The following CARS1 variants were observed in gnomAD, a reference collection of about 807,000 sequenced individuals.
CARS1 encodes cysteinyl-tRNA synthetase 1.
CARS1 carries 48 observed loss-of-function variants against 106.2 expected under a neutral mutation model. The ratio of observed to expected loss-of-function variants is 0.45; its 90% CI spans 0.36 to 0.57. The LOEUF (loss-of-function observed/expected upper bound fraction) is 0.57, where lower values mean the gene tolerates loss of function less well. CARS1 is among the 20% of genes least tolerant of loss of function. CARS1 has a pLI of 0.00. For missense variants in CARS1, 968 were observed against 1,057.2 expected, an observed-to-expected ratio of 0.92 and a Z score of 1.17; for synonymous variants, 409 against 403.4, an observed-to-expected ratio of 1.01 and a Z score of -0.17.
intron 1 of CARS1, among the ~76,000 whole-genome samples, chr11:3,049,979 T>C (rs1298994958): frequency 6.6e-6 from 1 of 152,106 alleles, no homozygotes; most frequent in Non-Finnish European, 1.5e-5. Context: ...CGCTGTGGTG[T>C]CAGCAAAGAT....
intron 10 of CARS1, among the ~76,000 whole-genome samples, chr11:3,024,196 C>T (rs1160778320): frequency 6.6e-6 from 1 of 152,106 alleles, no homozygotes; most frequent in Non-Finnish European, 1.5e-5. Flanking sequence ...CGGCACCTCA[C>T]TTATTTTCCA....
chr11:3,045,070 C>T lies in CARS1; in HGVS notation c.274+2683G>A, dbSNP rs920926916. ...GAAGGGTATAGCTGACACTCCTTCC[C>T]GGGGGGTAGGGAGAGGCCGGCGGGC... On this transcript the variant is annotated intron_variant, in intron 2 of 22. Transcript: ENST00000380525. This position sits in a 1 kb window ranked among gnomAD's most constrained non-coding sequence, Gnocchi z 5.6. Among the ~76,000 whole-genome samples the T allele has an allele frequency of 9.2e-5, 14 of 152,274 alleles. No individual in the cohort carries two copies. The highest frequency in any genetic ancestry group is 6.2e-4 in the South Asian group (3 of 4,832).
At chr11:3,042,103 G>A (rs763049670) in intron 3 of CARS1, 62 bp downstream of exon 3, 175 of 1,243,394 alleles carry the variant, frequency 1.4e-4, no homozygotes, top group Non-Finnish European at 2.0e-4. Flanking sequence ...AAGGCACATG[G>A]GCTGTCCTGC....
chr11:3,049,527 C>T (rs940619422), intron 1 of CARS1, among the ~76,000 whole-genome samples: 2 of 152,216 alleles, frequency 1.3e-5, no homozygotes, highest in African/African-American at 2.4e-5. Flanking sequence ...GGTCCCTGAG[C>T]CCATGAGCAC....
chr11:3,005,599 C>A (rs1461030342), intron 19 of CARS1, among the ~76,000 whole-genome samples, 166 bp from the exon 20 acceptor site: 2 of 151,468 alleles, frequency 1.3e-5, no homozygotes, highest in African/African-American at 4.9e-5. Context: ...AGCAGTGAAG[C>A]ACAGGAGAAC....
rs866136348 is a variant in CARS1, at chr11:3,054,903, C to T, written c.25+2440G>A. On this transcript the variant is annotated intron_variant, in intron 1 of 22. Transcript: ENST00000380525. ...TGATGAGCAGCCGACCAAGTGGTATCCCAAGTCTGTGCGGAAAGGCCCTGA... is the reference window on the plus strand; with the variant it reads ...TGATGAGCAGCCGACCAAGTGGTATTCCAAGTCTGTGCGGAAAGGCCCTGA... 2.1e-5 allele frequency: 15 copies of T among 702,586 alleles called. 1 individual carries two copies. The Middle Eastern group carries it at 1.8e-3, about 86-fold the overall frequency. The allele number at this position is 702,586 out of a possible 1,614,324, so 43.5% of individuals were successfully genotyped here.
chr11:3,054,959 A>C (rs752126792), intron 1 of CARS1: 1 of 702,632 alleles, frequency 1.4e-6, no homozygotes, highest in Non-Finnish European at 2.6e-6. Flanking sequence ...GAAACCTCAG[A>C]AATGAAACTC....
rs902621446 is a variant in CARS1, at chr11:3,048,167, G to T, written c.26-166C>A. On this transcript the variant is annotated intron_variant, in intron 1 of 22. Transcript: ENST00000380525. The surrounding 1 kb of genome is among the most constrained non-coding windows in gnomAD (Gnocchi z 5.1). ...GGCAAAGGCACAGGGGCAGCGCTTCGACTGGGGGCGAGGGAGTGACTGCCT... is the reference window on the plus strand; with the variant it reads ...GGCAAAGGCACAGGGGCAGCGCTTCTACTGGGGGCGAGGGAGTGACTGCCT... Among the ~76,000 whole-genome samples the T allele has an allele frequency of 6.6e-6, 1 of 152,196 alleles. No homozygotes were observed. The highest frequency in any genetic ancestry group is 1.5e-5 in the Non-Finnish European group (1 of 68,028).
intron 1 of CARS1, among the ~76,000 whole-genome samples, chr11:3,049,864 G>C (rs116167128): frequency 1.8e-3 from 274 of 152,372 alleles, no homozygotes; most frequent in African/African-American, 6.2e-3. Context: ...TGAAAACAGA[G>C]AGCAGAGTGT....
chr11:3,042,263 G>A lies in CARS1; in HGVS notation c.275-7C>T. ...TGCACACGCCGGCCTTTGCCTGGGA[G>A]GCAGAGAGAGCAGGATCAGGGTCCA... On this transcript the variant is annotated splice_polypyrimidine_tract_variant and splice_region_variant and intron_variant, in intron 2 of 22. Transcript: ENST00000380525. The A allele has an allele frequency of 4.3e-6, 7 of 1,609,336 alleles. No individual in the cohort carries two copies. The highest frequency in any genetic ancestry group is 5.1e-6 in the Non-Finnish European group (6 of 1,179,222).
At position 3,001,019 on chromosome 11, in the gene CARS1, T is replaced by C. The variant is rs1849352170; in HGVS notation, c.*95A>G. 1 of 1,386,000 alleles carries C rather than the reference T, an allele frequency of 7.2e-7. No homozygotes were observed. The highest frequency in any genetic ancestry group is 1.0e-6 in the Non-Finnish European group (1 of 992,078). 85.9% of individuals were successfully genotyped at this position (1,386,000 alleles called of 1,614,324 possible). A position where few individuals can be genotyped will look rare whatever the true frequency, so the allele number is the denominator to read the frequency against. On this transcript the variant is annotated 3_prime_UTR_variant, in exon 23 of 23. Transcript: ENST00000380525. ...CAACTCTTAATTTAGGACCCAAGGG[T>C]GACTGTAAACATGATAGGAGCGCTG... is the stretch of plus-strand genomic sequence containing the variant.
intron 16 of CARS1, 75 bp from the exon 17 acceptor site, chr11:3,015,924 G>A: frequency 7.9e-7 from 1 of 1,272,536 alleles, no homozygotes; most frequent in Non-Finnish European, 1.1e-6. Flanking sequence ...TGTGAGCTGT[G>A]TTCCTCGTTC....
intron 9 of CARS1, chr11:3,027,615 T>A (rs1041729130): frequency 5.1e-6 from 1 of 197,434 alleles, no homozygotes; most frequent in Non-Finnish European, 1.1e-5. Flanking sequence ...ATTCCAATAT[T>A]ATAATAATCC....
chr11:3,047,638 G>A (rs778484796), intron 2 of CARS1, 115 bp downstream of exon 2: 48 of 1,391,036 alleles, frequency 3.5e-5, no homozygotes, highest in Non-Finnish European at 4.1e-5. Context: ...GACACACTTG[G>A]GCGAGGCTCC....
chr11:3,027,851 G>A (rs918846739), intron 9 of CARS1: 62 of 454,310 alleles, frequency 1.4e-4, no homozygotes, highest in Non-Finnish European at 2.3e-4. Flanking sequence ...AAAAACACCC[G>A]CTACTTAGCA....
intron 18 of CARS1, 48 bp downstream of exon 18, chr11:3,012,147 C>A (rs1850537901): frequency 6.5e-7 from 1 of 1,526,790 alleles, no homozygotes; most frequent in South Asian, 1.1e-5. Flanking sequence ...TCCGGGGAGC[C>A]CAGTGAGGGG....
In CARS1 at chr11:3,040,651, G is replaced by C; in HGVS notation, c.455+245C>G. On this transcript the variant is annotated intron_variant, in intron 4 of 22. Coordinates refer to ENST00000380525, the MANE Select transcript of CARS1 (RefSeq NM_001014437.3). This position sits in a 1 kb window ranked among gnomAD's most constrained non-coding sequence, Gnocchi z 5.8. ...CCAGGTCGAGTCCAGCATGTTAGCAGTGGGGCTATGGACATTTTCTTTTTG... is the reference window on the plus strand; with the variant it reads ...CCAGGTCGAGTCCAGCATGTTAGCACTGGGGCTATGGACATTTTCTTTTTG... The C allele has an allele frequency of 1.5e-6, 1 of 675,730 alleles. No homozygotes were observed. Among genetic ancestry groups the C allele is most frequent in the African/African-American group, 1.8e-5 (1 of 56,882 alleles). The allele number at this position is 675,730 out of a possible 1,614,324, so 41.9% of individuals were successfully genotyped here. A position where few individuals can be genotyped will look rare whatever the true frequency, so the allele number is the denominator to read the frequency against.
intron 18 of CARS1, among the ~76,000 whole-genome samples, chr11:3,010,588 C>A (rs1306103494): frequency 6.6e-6 from 1 of 152,232 alleles, no homozygotes; most frequent in African/African-American, 2.4e-5. Flanking sequence ...TCAGTCAGGC[C>A]CAGGCCCCTC....
rs1286358614 is a variant in CARS1 at position 3,052,507 on chromosome 11, A to C, written c.26-4506T>G. Reference sequence around the variant, plus strand: ...CCATTTTTATTTAATTAATTTTATTATTTTAAAAGTTTATTACCAAATCTG... The same window carrying C: ...CCATTTTTATTTAATTAATTTTATTCTTTTAAAAGTTTATTACCAAATCTG... On this transcript the variant is annotated intron_variant, in intron 1 of 22. Coordinates refer to ENST00000380525, the MANE Select transcript of CARS1 (RefSeq NM_001014437.3). The surrounding 1 kb of genome is among the most constrained non-coding windows in gnomAD (Gnocchi z 4.6). Among the ~76,000 whole-genome samples, 1 of 152,122 alleles carries C rather than the reference A, an allele frequency of 6.6e-6. No individual in the cohort carries two copies. The highest frequency in any genetic ancestry group is 1.9e-4 in the East Asian group (1 of 5,200).
Sources: gnomAD v4.1 joint callset for allele counts (sites outside exome capture counted in the v4.1 genomes callset) on GRCh38, gnomAD v4.1.1 for gene constraint, Gnocchi (gnomAD v3.1) non-coding constraint, MANE v1.5 for transcripts, NCBI Gene and HGNC (gene_info 2026-07-23, HGNC 2026-07-21) for gene names.